The following LRRC8C variants were observed in gnomAD, a reference collection of about 807,000 sequenced individuals.
LRRC8C encodes leucine rich repeat containing 8 VRAC subunit C.
Under a neutral mutation model 55.3 loss-of-function variants are expected in LRRC8C, and 20 were observed. That is an observed-to-expected ratio of 0.36 (90% confidence interval 0.25 to 0.53). The LOEUF is 0.53. Ranked by LOEUF, LRRC8C falls within the 20% of genes least tolerant of loss-of-function variation. The probability of loss-of-function intolerance (pLI) is 0.92; values close to 1 mark genes in which losing one functional copy is unlikely to be tolerated. For synonymous variants in LRRC8C, 376 were observed against 360.7 expected, an observed-to-expected ratio of 1.04 and a Z score of -0.48; for missense variants, 659 against 951.4, an observed-to-expected ratio of 0.69 and a Z score of 4.04.
At chr1:89,626,151 T>G in the LRRC8C span, 1 of 152,208 alleles carries the variant, frequency 6.6e-6, no homozygotes, top group African/African-American at 2.4e-5. Flanking sequence ...CAAGCAACTA[T>G]TCCTTAGTAA....
At chr1:89,669,023 A>G (rs1657345838) in intron 1 of LRRC8C, among the ~76,000 whole-genome samples, 1 of 152,234 alleles carries the variant, frequency 6.6e-6, no homozygotes. Flanking sequence ...CACAATAACC[A>G]AGATGTAAAA....
At chr1:89,709,341 T>A (rs1232883225) in intron 2 of LRRC8C, among the ~76,000 whole-genome samples, 2 of 152,268 alleles carry the variant, frequency 1.3e-5, no homozygotes, top group Non-Finnish European at 2.9e-5. Flanking sequence ...GGAGAGAATG[T>A]GACCTACTTC....
Position 89,705,062 on chromosome 1 carries a change from G to A in LRRC8C, c.139-7647G>A, listed in dbSNP as rs571232261. On this transcript the variant is annotated intron_variant, in intron 2 of 2. Transcript: ENST00000370454. ...TGATAGACTGGATTAAGAAAATGTGGCACATATACACCATGGAATACTATG... is the reference window on the plus strand; with the variant it reads ...TGATAGACTGGATTAAGAAAATGTGACACATATACACCATGGAATACTATG... Among the ~76,000 whole-genome samples, 3 of 151,812 alleles carry A rather than the reference G, an allele frequency of 2.0e-5. No individual in the cohort carries two copies. In the East Asian group the frequency reaches 5.8e-4, roughly 29 times the overall value.
At position 89,647,860 on chromosome 1, in the gene LRRC8C, C is replaced by G. The variant is rs371979216; in HGVS notation, c.-5+14538C>G. ...GGAGGATCACTTGAGCGCAGGAGTT[C>G]AAAACCAGCCTGGGCAACATGGTGA... On this transcript the variant is annotated intron_variant, in intron 1 of 2. Transcript: ENST00000370454. 1.3e-5 allele frequency among the ~76,000 whole-genome samples: 2 copies of G among 152,110 alleles called. 1 individual carries two copies. The highest frequency in any genetic ancestry group is 1.3e-4 in the Admixed American group (2 of 15,274).
intron 1 of LRRC8C, among the ~76,000 whole-genome samples, chr1:89,639,048 C>T (rs1040102605): frequency 4.8e-5 from 7 of 144,432 alleles, no homozygotes; most frequent in African/African-American, 1.3e-4. Context: ...TGCAGTGACG[C>T]GATCTTGGCT....
At chr1:89,683,559 T>C (rs1482696880) in intron 1 of LRRC8C, among the ~76,000 whole-genome samples, 1 of 152,118 alleles carries the variant, frequency 6.6e-6, no homozygotes, top group Admixed American at 6.5e-5. Context: ...GGTTTCACCA[T>C]GTTGGCCAGG....
At chr1:89,646,754 G>A (rs1570692989) in intron 1 of LRRC8C, among the ~76,000 whole-genome samples, 1 of 152,164 alleles carries the variant, frequency 6.6e-6, no homozygotes, top group South Asian at 2.1e-4. Flanking sequence ...AGGCTGGCCA[G>A]TGTGATAAGG....
chr1:89,684,382 G>A (rs1168647992), intron 1 of LRRC8C, among the ~76,000 whole-genome samples: 1 of 152,202 alleles, frequency 6.6e-6, no homozygotes, highest in Admixed American at 6.5e-5. Context: ...CCCTGCCGCT[G>A]CAGCTGATTA....
intron 2 of LRRC8C, among the ~76,000 whole-genome samples, chr1:89,692,558 T>C (rs760461590): frequency 1.3e-5 from 2 of 152,236 alleles, no homozygotes; most frequent in African/African-American, 2.4e-5. Flanking sequence ...GAACCAGCAC[T>C]TTTGCCTTAC....
chr1:89,645,534 C>T (rs1332657456), intron 1 of LRRC8C, among the ~76,000 whole-genome samples: 1 of 152,136 alleles, frequency 6.6e-6, no homozygotes, highest in East Asian at 1.9e-4. Context: ...ATACCACAAG[C>T]AGGTTAAGTA....
intron 1 of LRRC8C, among the ~76,000 whole-genome samples, chr1:89,638,001 T>C (rs1440839888): frequency 6.6e-6 from 1 of 151,884 alleles, no homozygotes; most frequent in African/African-American, 2.4e-5. Context: ...GTTCAGAAAA[T>C]AGAATTCAGA....
At position 89,701,937 on chromosome 1, in the gene LRRC8C, C is replaced by G. The variant is rs374521287; in HGVS notation, c.139-10772C>G. Among the ~76,000 whole-genome samples the G allele has an allele frequency of 1.8e-4, 27 of 152,208 alleles. No individual in the cohort carries two copies. In the East Asian group the frequency reaches 4.6e-3, roughly 26 times the overall value. On this transcript the variant is annotated intron_variant, in intron 2 of 2. Coordinates refer to ENST00000370454, the MANE Select transcript of LRRC8C (RefSeq NM_032270.5). ...CTCAGCTCCTGCTAGTAAAGGGAAC[C>G]ATAAATGCACCAAGCAAGATAAGAG... is the stretch of plus-strand genomic sequence containing the variant.
intron 1 of LRRC8C, among the ~76,000 whole-genome samples, chr1:89,644,295 T>C (rs7515375): frequency 0.56 from 84,789 of 152,064 alleles, 24,056 homozygotes; most frequent in East Asian, 0.79. Flanking sequence ...CCACCTCAGC[T>C]TCCTGAGCAG....
upstream of LRRC8C, among the ~76,000 whole-genome samples, chr1:89,630,910 G>A (rs1379599033): frequency 6.6e-6 from 1 of 152,198 alleles, no homozygotes; most frequent in Admixed American, 6.5e-5. Context: ...TTAGACTAGT[G>A]GCTTTCAAGC....
intron 2 of LRRC8C, among the ~76,000 whole-genome samples, chr1:89,690,388 G>A (rs572202590): frequency 2.4e-4 from 36 of 152,050 alleles, no homozygotes; most frequent in Non-Finnish European, 4.9e-4. Flanking sequence ...GTTAGATTTG[G>A]GGTGGCTAGC....
At chr1:89,701,716 T>C (rs1658331528) in intron 2 of LRRC8C, among the ~76,000 whole-genome samples, 2 of 152,300 alleles carry the variant, frequency 1.3e-5, no homozygotes, top group East Asian at 1.9e-4. Flanking sequence ...CTGCGAAAGA[T>C]GGTAAAACAG....
chr1:89,642,504 C>CA lies in LRRC8C; in HGVS notation c.-5+9183dup, dbSNP rs377409735. ...CCTAGGTAAGCGGATCACCTGAGGT[C>CA]AGGAGTTCGAGACCAGCCTGGCCAA... On this transcript the variant is annotated intron_variant, in intron 1 of 2. Coordinates refer to ENST00000370454, the MANE Select transcript of LRRC8C (RefSeq NM_032270.5). 2.0e-4 allele frequency among the ~76,000 whole-genome samples: 31 copies of CA among 152,234 alleles called. 1 individual carries two copies. Among genetic ancestry groups the CA allele is most frequent in the African/African-American group, 7.2e-4 (30 of 41,544 alleles).
At chr1:89,639,475 T>C (rs1570687455) in intron 1 of LRRC8C, among the ~76,000 whole-genome samples, 1 of 152,198 alleles carries the variant, frequency 6.6e-6, no homozygotes, top group East Asian at 1.9e-4. Flanking sequence ...TTGTCTCCTT[T>C]ATATATTGGC....
Position 89,680,680 on chromosome 1 carries a change from C to T in LRRC8C, c.-4-5790C>T, listed in dbSNP as rs115356759. Among the ~76,000 whole-genome samples, 976 of 151,356 alleles carry T rather than the reference C, an allele frequency of 6.4e-3. 7 individuals carry two copies. The highest frequency in any genetic ancestry group is 0.023 in the African/African-American group (944 of 41,234). ...GGTTCAAGCAATTCTTCTGCCTCAGCCACATGAGTAGCTGTGATTATAGGT... is the reference window on the plus strand; with the variant it reads ...GGTTCAAGCAATTCTTCTGCCTCAGTCACATGAGTAGCTGTGATTATAGGT... On this transcript the variant is annotated intron_variant, in intron 1 of 2. Transcript: ENST00000370454.
Sources: gnomAD v4.1 joint callset for allele counts (sites outside exome capture counted in the v4.1 genomes callset) on GRCh38, gnomAD v4.1.1 for gene constraint, MANE v1.5 for transcripts, NCBI Gene and HGNC (gene_info 2026-07-23, HGNC 2026-07-21) for gene names.